The following CACNA1F variants were observed in gnomAD, a reference collection of about 807,000 sequenced individuals.
CACNA1F encodes the protein calcium voltage-gated channel subunit alpha1 F.
Under a neutral mutation model 143.8 loss-of-function variants are expected in CACNA1F, and 59 were observed. That is an observed-to-expected ratio of 0.41 (90% CI 0.33 to 0.51). The LOEUF (loss-of-function observed/expected upper bound fraction) is 0.51. Among genes scored for constraint, CACNA1F ranks in the 20% least tolerant of loss-of-function variants. The probability of loss-of-function intolerance (pLI) is 0.22; values close to 1 mark genes in which losing one functional copy is unlikely to be tolerated. For synonymous variants in CACNA1F, 643 were observed against 649.1 expected, an observed-to-expected ratio of 0.99 and a Z score of 0.14; for missense variants, 1,411 against 1,647.5, an observed-to-expected ratio of 0.86 and a Z score of 2.48.
rs2065721930 is a variant in CACNA1F at position 49,216,823 on chromosome X, C to T, written c.3090-295G>A. Among the ~76,000 whole-genome samples the T allele has an allele frequency of 3.6e-5, 4 of 112,169 alleles. No individual in the cohort carries two copies. In the South Asian group the frequency reaches 1.5e-3, roughly 42 times the overall value. ...CTAGTGTCTGGCACATAGTTGGCATCATTTCATCATCACCATTATCATCCT... is the reference window on the plus strand; with the variant it reads ...CTAGTGTCTGGCACATAGTTGGCATTATTTCATCATCACCATTATCATCCT... On this transcript the variant is annotated intron_variant, in intron 26 of 47. Coordinates refer to ENST00000323022, the MANE Select transcript of CACNA1F (RefSeq NM_001256789.3).
chrX:49,220,170 T>C (rs1569528263), intron 19 of CACNA1F, among the ~76,000 whole-genome samples: 1 of 112,106 alleles, frequency 8.9e-6, no homozygotes, highest in Non-Finnish European at 1.9e-5. Flanking sequence ...CTTGAACTTC[T>C]GGGCTCAAGC....
At chrX:49,212,393 G>A (rs1557106467) in intron 33 of CACNA1F, 85 bp from the exon 34 acceptor site, 1 of 804,207 alleles carries the variant, frequency 1.2e-6, no homozygotes, top group Non-Finnish European at 1.9e-6. Context: ...TGCTTTCCCT[G>A]GCCTGGGCCT....
At chrX:49,224,651 T>G (rs1360076972) in intron 14 of CACNA1F, 110 bp downstream of exon 14, 1 of 563,046 alleles carries the variant, frequency 1.8e-6, no homozygotes, top group Non-Finnish European at 3.1e-6. Flanking sequence ...AGGCACTCAA[T>G]GGATGTCTGC....
intron 21 of CACNA1F, 33 bp downstream of exon 21, chrX:49,219,288 C>T: frequency 8.3e-7 from 1 of 1,198,124 alleles, no homozygotes. Context: ...TGGGAGTGTC[C>T]CCTCAGCTCC....
At chrX:49,231,652 G>T in intron 2 of CACNA1F, 26 bp downstream of exon 2, 1 of 1,209,993 alleles carries the variant, frequency 8.3e-7, no homozygotes. Flanking sequence ...CTTACCCCTG[G>T]GCCCTGCCCC....
At chrX:49,211,649 C>T (rs1372629946) in intron 35 of CACNA1F, among the ~76,000 whole-genome samples, 168 bp from the exon 36 acceptor site, 5 of 112,138 alleles carry the variant, frequency 4.5e-5, no homozygotes, top group Non-Finnish European at 7.5e-5. Context: ...GCCATGTTGA[C>T]GACAGTCATG....
intron 27 of CACNA1F, 28 bp from the exon 28 acceptor site, chrX:49,215,571 T>A: frequency 1.7e-6 from 1 of 574,512 alleles, no homozygotes; most frequent in Non-Finnish European, 2.8e-6. Context: ...GGGGTAGAGG[T>A]GGGGGCAGGT....
In CACNA1F at chrX:49,231,852, G is replaced by T. The variant is rs1482928352; in HGVS notation, c.101C>A (p.Ala34Asp). ...TGCCCCACTGCTTTCACCTTCCACA[G>T]CTGGGGGCCCGGGGCACAGCCCCCA... is the stretch of plus-strand genomic sequence containing the variant. The part of the protein sequence containing the change: ...PEWGLCPGPP[A>D]VEGESSGASG... Residue 34 changes from alanine (A) to aspartate (D), a missense_variant, in exon 2 of 48, where the codon GCT (alanine) becomes GAT (aspartate). Transcript: ENST00000323022. 8 of 1,189,220 alleles carry T rather than the reference G, an allele frequency of 6.7e-6. No individual in the cohort carries two copies. The Admixed American group carries it at 1.2e-4, about 18-fold the overall frequency.
Position 49,205,644 on chromosome X carries a change from C to G in CACNA1F, c.5642G>C (p.Arg1881Thr). The G allele has an allele frequency of 8.3e-7, 1 of 1,205,282 alleles. No individual in the cohort carries two copies. The change falls in exon 47 of 48, where the codon AGG becomes ACG. Residue 1881 changes from arginine to threonine, a missense_variant. By Grantham distance (71) the Arg-to-Thr change is moderately conservative. Transcript: ENST00000323022. ...GTHSDPSHGK[R>T]GSADSLVEAV... ...CTCCACCAAGCTGTCGGCACTGCCCCTCTTCCCATGGCTGGGGTCCGAGTG... is the reference window on the plus strand; with the variant it reads ...CTCCACCAAGCTGTCGGCACTGCCCGTCTTCCCATGGCTGGGGTCCGAGTG...
In CACNA1F at chrX:49,215,261, G is replaced by A. The variant is rs782088064; in HGVS notation, c.3439-17C>T. 11 of 1,210,670 alleles carry A rather than the reference G, an allele frequency of 9.1e-6. No homozygotes were observed. The highest frequency in any genetic ancestry group is 4.6e-4 in the Middle Eastern group (2 of 4,352). ...ACATTGACGCTGCATACCAGGGCAGGGCATGAGTGAGCAGTGGGGTCCTGA... is the reference window on the plus strand; with the variant it reads ...ACATTGACGCTGCATACCAGGGCAGAGCATGAGTGAGCAGTGGGGTCCTGA... On this transcript the variant is annotated splice_polypyrimidine_tract_variant and intron_variant, in intron 28 of 47. Coordinates refer to ENST00000323022, the MANE Select transcript of CACNA1F (RefSeq NM_001256789.3).
chrX:49,231,154 C>T, intron 3 of CACNA1F, 48 bp downstream of exon 3: 1 of 934,012 alleles, frequency 1.1e-6, no homozygotes, highest in Non-Finnish European at 1.5e-6. Flanking sequence ...GTGAGCTCTA[C>T]TGGGGCTCTA....
At position 49,223,046 on chromosome X, in the gene CACNA1F, G is replaced by C. The variant is rs1265809860; in HGVS notation, c.1968C>G (p.Ile656Met). 8.3e-7 allele frequency: 1 copy of C among 1,198,527 alleles called. No individual in the cohort carries two copies. Among genetic ancestry groups the C allele is most frequent in the Non-Finnish European group, 1.1e-6 (1 of 888,577 alleles). ...GCATGCCAAGCAGGGAGAAGATAAT[G>C]ATGAAGAGGAAGAGGAGAAGCAGCA... ...ASLLLLLFLF[I>M]IIFSLLGMQL... Residue 656 changes from isoleucine (I) to methionine (M), a missense_variant, in exon 15 of 48, where the codon ATC (isoleucine) becomes ATG (methionine). Physicochemically the swap from Ile to Met is conservative, Grantham distance 10 (BLOSUM62 1). This residue lies in a region of CACNA1F where 950 missense variants were observed against 1,128.1 expected (regional missense o/e 0.84). Coordinates refer to ENST00000323022, the MANE Select transcript of CACNA1F (RefSeq NM_001256789.3).
rs1557109946 is a variant in CACNA1F at position 49,226,481 on chromosome X, G to T, written c.1391C>A (p.Thr464Asn). 2 of 1,189,257 alleles carry T rather than the reference G, an allele frequency of 1.7e-6. No homozygotes were observed. The highest frequency in any genetic ancestry group is 3.5e-5 in the African/African-American group (2 of 56,789). ...SSHASLPASD[T>N]GSMTETQGDE... ...GCCTTGGGTCTCTGTCATGGAACCG[G>T]TGTCACTGGCTGGGAGGCTGGCTGT... Residue 464 changes from threonine to asparagine, a missense_variant, in exon 11 of 48, where the codon ACC (threonine) becomes AAC (asparagine). Thr to Asn is a moderately conservative substitution (Grantham distance 65). Around this residue, in one of 3 missense-constraint regions of CACNA1F, gnomAD observed 950 missense variants for 1,128.1 expected, o/e 0.84. Transcript: ENST00000323022.
intron 29 of CACNA1F, 63 bp from the exon 30 acceptor site, chrX:49,214,332 T>C: frequency 2.9e-6 from 2 of 687,734 alleles, no homozygotes; most frequent in South Asian, 4.3e-5. Context: ...CCCAACCAAA[T>C]ATTCCCTGGC....
At chrX:49,209,506 C>G in intron 41 of CACNA1F, 113 bp from the exon 42 acceptor site, 1 of 1,119,897 alleles carries the variant, frequency 8.9e-7, no homozygotes, top group Non-Finnish European at 1.2e-6. Flanking sequence ...CCTGGCCCTC[C>G]GTGAGGCCTG....
Position 49,221,061 on chromosome X carries a change from C to T in CACNA1F, c.2308G>A (p.Asp770Asn). Residue 770 changes from aspartate (D) to asparagine (N), a missense_variant, in exon 18 of 48, where the codon GAT becomes AAT. By Grantham distance (23) the Asp-to-Asn change is conservative. Coordinates refer to ENST00000323022, the MANE Select transcript of CACNA1F (RefSeq NM_001256789.3). ...AGGCCTTCATTCTCCTGTGGGAGAT[C>T]CTTCTCATTGCTCTTCTCCCTGTGC... Reference protein sequence around the residue: ...DKGGEKSNEKDLPQENEGLVP... With the variant: ...DKGGEKSNEKNLPQENEGLVP... The T allele has an allele frequency of 8.3e-7, 1 of 1,209,639 alleles. No homozygotes were observed. The highest frequency in any genetic ancestry group is 1.1e-6 in the Non-Finnish European group (1 of 893,463).
chrX:49,231,383 G>C (rs1006988439), intron 2 of CACNA1F, 76 bp from the exon 3 acceptor site: 151 of 772,459 alleles, frequency 2.0e-4, no homozygotes. Flanking sequence ...CTCCCACCCA[G>C]TGCTGACCCT....
At chrX:49,219,009 A>G (rs1557108183) in intron 21 of CACNA1F, 68 bp from the exon 22 acceptor site, 1 of 936,119 alleles carries the variant, frequency 1.1e-6, no homozygotes, top group Non-Finnish European at 1.5e-6. Flanking sequence ...GACTTCTCAA[A>G]AGGCTTGGCC....
intron 38 of CACNA1F, 83 bp downstream of exon 38, chrX:49,210,507 C>A: frequency 9.7e-7 from 1 of 1,034,845 alleles, no homozygotes; most frequent in Non-Finnish European, 1.4e-6. Flanking sequence ...AACACCCCTC[C>A]CCACCCAAGG....
Sources: allele counts gnomAD v4.1 joint callset (sites outside exome capture counted in the v4.1 genomes callset), GRCh38; gene constraint gnomAD v4.1.1; regional missense constraint gnomAD v4.1.1; transcripts MANE v1.5; gene names NCBI Gene and HGNC (gene_info 2026-07-23, HGNC 2026-07-21).